The following TNRC18 variants were observed in gnomAD, a reference collection of about 807,000 sequenced individuals.
The protein encoded by TNRC18 is trinucleotide repeat containing 18.
A neutral mutation model predicts 226.7 loss-of-function variants in TNRC18; 69 were observed. The observed-to-expected ratio is 0.30, with a 90% CI of 0.25 to 0.37. TNRC18 has a LOEUF of 0.37. TNRC18 is among the 10% of genes least tolerant of loss of function. The pLI is 1.00. For missense variants in TNRC18, 4,754 were observed against 4,256.6 expected, an observed-to-expected ratio of 1.12 and a Z score of -3.25; for synonymous variants, 2,449 against 1,927.6, an observed-to-expected ratio of 1.27 and a Z score of -7.09.
In TNRC18 at chr7:5,389,138, C is replaced by A. The variant is rs1169013953; in HGVS notation, c.686G>T (p.Gly229Val). 3 of 1,320,472 alleles carry A rather than the reference C, an allele frequency of 2.3e-6. No homozygotes were observed. The highest frequency in any genetic ancestry group is 2.9e-6 in the Non-Finnish European group (3 of 1,035,148). 81.8% of individuals were successfully genotyped at this position (1,320,472 alleles called of 1,614,324 possible). A position where few individuals can be genotyped will look rare whatever the true frequency, so the allele number is the denominator to read the frequency against. Residue 229 changes from glycine to valine, a missense_variant, in exon 5 of 30, where the codon GGC (glycine) becomes GTC (valine). Coordinates refer to ENST00000430969, the MANE Select transcript of TNRC18 (RefSeq NM_001080495.3). ...GCCCCGTGGCCCCGAGGCCTCCTCG[C>A]CCCGGGCGCGCGGGTCCTTCTTGCC... is the stretch of plus-strand genomic sequence containing the variant. ...LFGKKDPRAR[G>V]EEASGPRGVV...
At position 5,324,943 on chromosome 7, in the gene TNRC18, G is replaced by C. The variant is rs191540290; in HGVS notation, c.6300+153C>G. ...CAGTATCTCCTTATCCCTGGAGTGT[G>C]GGGACGGCCACATCACCCTCGTCAC... is the stretch of plus-strand genomic sequence containing the variant. On this transcript the variant is annotated intron_variant, in intron 20 of 29. Coordinates refer to ENST00000430969, the MANE Select transcript of TNRC18 (RefSeq NM_001080495.3). The surrounding 1 kb of genome is among the most constrained non-coding windows in gnomAD (Gnocchi z 4.8). 3.4e-3 allele frequency among the ~76,000 whole-genome samples: 513 copies of C among 152,292 alleles called. No individual in the cohort carries two copies. Among genetic ancestry groups the C allele is most frequent in the Non-Finnish European group, 5.4e-3 (370 of 68,020 alleles).
At chr7:5,359,698 C>G in intron 14 of TNRC18, 129 bp from the exon 15 acceptor site, 1 of 966,604 alleles carries the variant, frequency 1.0e-6, no homozygotes, top group Non-Finnish European at 1.6e-6. Flanking sequence ...GAGTGACGGG[C>G]GTGGGGAGAT....
chr7:5,353,149 C>T (rs1018572962), intron 16 of TNRC18, among the ~76,000 whole-genome samples: 2 of 152,192 alleles, frequency 1.3e-5, no homozygotes, highest in Admixed American at 1.3e-4. Flanking sequence ...AGTCAAAGTG[C>T]GCTCTCTCTT....
chr7:5,359,564 C>T lies in TNRC18; in HGVS notation c.4667G>A (p.Ser1556Asn). 1 of 1,613,858 alleles carries T rather than the reference C, an allele frequency of 6.2e-7. No individual in the cohort carries two copies. The highest frequency in any genetic ancestry group is 8.5e-7 in the Non-Finnish European group (1 of 1,179,898). Reference protein sequence around the residue: ...GKSGHSSGKLSSKSLLTSDDY... With the variant: ...GKSGHSSGKLNSKSLLTSDDY... ...ATCTGATGTCAGCAGAGACTTGCTGCTCAGCCTGAAACGCAGACACACTGC... is the reference window on the plus strand; with the variant it reads ...ATCTGATGTCAGCAGAGACTTGCTGTTCAGCCTGAAACGCAGACACACTGC... The change falls in exon 15 of 30, where the codon AGC (serine) becomes AAC (asparagine). Residue 1556 changes from serine to asparagine, a missense_variant. Ser to Asn is a conservative substitution (Grantham distance 46). Coordinates refer to ENST00000430969, the MANE Select transcript of TNRC18 (RefSeq NM_001080495.3).
intron 18 of TNRC18, among the ~76,000 whole-genome samples, chr7:5,334,307 T>C (rs1014128477): frequency 6.6e-6 from 1 of 151,992 alleles, no homozygotes; most frequent in Non-Finnish European, 1.5e-5. Flanking sequence ...CTTTTTTTTT[T>C]TTTTCTTGAG....
intron 19 of TNRC18, among the ~76,000 whole-genome samples, chr7:5,326,465 G>C (rs1320882532): frequency 6.6e-6 from 1 of 152,130 alleles, no homozygotes; most frequent in African/African-American, 2.4e-5. Context: ...TTGTTTTTGA[G>C]ACAGGGTCTG....
intron 2 of TNRC18, among the ~76,000 whole-genome samples, chr7:5,419,542 C>T (rs1782408763): frequency 6.6e-6 from 1 of 151,826 alleles, no homozygotes; most frequent in Admixed American, 6.5e-5. Flanking sequence ...ACCCCAGGGC[C>T]GCCCCCCAAG....
At chr7:5,339,604 A>C (rs1486700755) in intron 18 of TNRC18, among the ~76,000 whole-genome samples, 1 of 147,894 alleles carries the variant, frequency 6.8e-6, no homozygotes, top group African/African-American at 2.5e-5. Context: ...CGCTCTTGTC[A>C]CCCAGGATGG....
chr7:5,417,132 G>A (rs1405973501), intron 2 of TNRC18, among the ~76,000 whole-genome samples: 1 of 149,364 alleles, frequency 6.7e-6, no homozygotes, highest in Non-Finnish European at 1.5e-5. Context: ...TCCAGCCTGG[G>A]TGACAGAGTA....
intron 15 of TNRC18, 131 bp downstream of exon 15, chr7:5,359,267 G>C: frequency 1.1e-6 from 1 of 937,958 alleles, no homozygotes; most frequent in Admixed American, 2.2e-5. Context: ...AGTCATTCCG[G>C]CATTGAAGAC....
Position 5,324,306 on chromosome 7 carries a change from G to C in TNRC18, c.6350C>G (p.Ala2117Gly). 1 of 1,613,548 alleles carries C rather than the reference G, an allele frequency of 6.2e-7. No homozygotes were observed. The change falls in exon 21 of 30, where the codon GCC becomes GGC. Residue 2117 changes from alanine (A) to glycine (G), a missense_variant. Ala to Gly is a moderately conservative substitution (Grantham distance 60, BLOSUM62 0). Transcript: ENST00000430969. The surrounding 1 kb of genome is among the most constrained non-coding windows in gnomAD (Gnocchi z 4.8). ...AVSKLMESMA[A>G]EEDFEPNQDS... ...TTGGTTGGGTTCAAAGTCCTCCTCG[G>C]CTGCCATGCTCTCCATCAGCTTGCT... is the stretch of plus-strand genomic sequence containing the variant.
intron 1 of TNRC18, chr7:5,423,056 T>C (rs1338671766): frequency 6.6e-6 from 1 of 152,258 alleles, no homozygotes; most frequent in Admixed American, 6.5e-5. Flanking sequence ...TCCTTACTTT[T>C]CTCCCCCTCT....
chr7:5,362,556 C>A (rs987245160), intron 12 of TNRC18, 94 bp downstream of exon 12: 1 of 1,266,732 alleles, frequency 7.9e-7, no homozygotes, highest in African/African-American at 1.5e-5. Flanking sequence ...GGCGCCAAAG[C>A]CAGCCACGCC....
At chr7:5,363,992 G>A (rs1279252451) in intron 11 of TNRC18, among the ~76,000 whole-genome samples, 1 of 151,896 alleles carries the variant, frequency 6.6e-6, no homozygotes, top group Non-Finnish European at 1.5e-5. Context: ...GACATCCACG[G>A]GCATCCTTTA....
In TNRC18 at chr7:5,312,831, G is replaced by T. The variant is rs575890582; in HGVS notation, c.8060C>A (p.Pro2687His). 337 of 1,532,052 alleles carry T rather than the reference G, an allele frequency of 2.2e-4. 1 individual carries two copies. The African/African-American group carries it at 3.9e-3, about 18-fold the overall frequency. 94.9% of individuals were successfully genotyped at this position (1,532,052 alleles called of 1,614,324 possible). Residue 2687 changes from proline (P) to histidine (H), a missense_variant, in exon 27 of 30, where the codon CCC becomes CAC. Physicochemically the swap from Pro to His is moderately conservative, Grantham distance 77 (BLOSUM62 -2). Transcript: ENST00000430969. The surrounding 1 kb of genome is among the most constrained non-coding windows in gnomAD (Gnocchi z 6.3). ...SSCSSDDEAAPAPTAGPSAQA... is the reference protein window; with the variant it reads ...SSCSSDDEAAHAPTAGPSAQA... ...CGCGGAAGGGCCAGCCGTGGGGGCG[G>T]GGGCTGCCTCATCGTCCGAGCTGCA...
At position 5,308,907 on chromosome 7, in the gene TNRC18, G is replaced by A. The variant is rs760573978; in HGVS notation, c.8668C>T (p.Arg2890Trp). Residue 2890 changes from arginine (R) to tryptophan (W), a missense_variant, in exon 29 of 30, where the codon CGG becomes TGG. Transcript: ENST00000430969. ...AAGTCCTTCCTCTGGCTGGAGACCC[G>A]CAGGGCCGCCGGGAGGCTGCGGCTG... ...KSSRSLPAAL[R>W]VSSQRKDFME... 2.2e-5 allele frequency: 29 copies of A among 1,333,606 alleles called. No individual in the cohort carries two copies. The highest frequency in any genetic ancestry group is 3.2e-4 in the Middle Eastern group (1 of 3,084). 82.6% of individuals were successfully genotyped at this position (1,333,606 alleles called of 1,614,324 possible).
At chr7:5,412,200 G>C (rs914340472) in intron 2 of TNRC18, among the ~76,000 whole-genome samples, 16 of 103,012 alleles carry the variant, frequency 1.6e-4, no homozygotes, top group African/African-American at 5.3e-4. Context: ...TAATAAAAAA[G>C]AGAGAGAGAA....
intron 24 of TNRC18, among the ~76,000 whole-genome samples, chr7:5,319,172 A>C (rs1169664708): frequency 1.3e-5 from 2 of 152,198 alleles, no homozygotes; most frequent in African/African-American, 4.8e-5. Context: ...TTTGGATGAT[A>C]AATGAGTGAC....
chr7:5,411,229 A>G (rs534151525), intron 2 of TNRC18, among the ~76,000 whole-genome samples: 151 of 151,664 alleles, frequency 1.0e-3, no homozygotes, highest in African/African-American at 3.5e-3. Flanking sequence ...AAAAAAAAAA[A>G]AAAAGAAAAA....
Sources: gnomAD v4.1 joint callset for allele counts (sites outside exome capture counted in the v4.1 genomes callset) on GRCh38, gnomAD v4.1.1 for gene constraint, Gnocchi (gnomAD v3.1) non-coding constraint, MANE v1.5 for transcripts, NCBI Gene and HGNC (gene_info 2026-07-23, HGNC 2026-07-21) for gene names.